RSPH3: variants seen among roughly 807,000 people sequenced by gnomAD.
RSPH3 encodes the protein radial spoke head 3, also known as radial spoke head protein 3 homolog.
A neutral mutation model predicts 43.8 loss-of-function variants in RSPH3; 21 were observed. The ratio of observed to expected loss-of-function variants is 0.48; its 90% CI spans 0.34 to 0.69. The LOEUF (loss-of-function observed/expected upper bound fraction) is 0.69, where lower values mean the gene tolerates loss of function less well. RSPH3 is among the 30% of genes least tolerant of loss of function. The pLI, the probability that RSPH3 is intolerant of heterozygous loss-of-function variation, is 0.01. For missense variants in RSPH3, 487 were observed against 516.0 expected, an observed-to-expected ratio of 0.94 and a Z score of 0.54; for synonymous variants, 173 against 179.8, an observed-to-expected ratio of 0.96 and a Z score of 0.30.
In RSPH3 at chr6:158,999,772, G is replaced by C. The variant is rs752628369; in HGVS notation, c.-222C>G. The stretch of plus-strand genomic sequence containing the variant: ...CCAGCACCACAGAGACCAGCTGCGG[G>C]GGCCGCATCGGTTGCCCAGCAACCC... On this transcript the variant is annotated 5_prime_UTR_variant, in exon 1 of 8. Transcript: ENST00000367069. 7 of 1,611,632 alleles carry C rather than the reference G, an allele frequency of 4.3e-6. No homozygotes were observed. Among genetic ancestry groups the C allele is most frequent in the Non-Finnish European group, 5.9e-6 (7 of 1,178,294 alleles).
At position 158,983,731 on chromosome 6, in the gene RSPH3, T is replaced by C; in HGVS notation, c.423A>G (p.Arg141=). Residue 141 remains arginine, a synonymous_variant, in exon 4 of 8, where the codon AGA becomes AGG. Coordinates refer to ENST00000367069, the MANE Select transcript of RSPH3 (RefSeq NM_031924.8). ...MECQTDAFLD[R]PPTPLFIPAK... ...CAGGAATAAAGAGTGGTGTTGGTGG[T>C]CTGTCCAAAAATGCATCTGTTTGGC... 6.2e-7 allele frequency: 1 copy of C among 1,612,450 alleles called. No individual in the cohort carries two copies. Among genetic ancestry groups the C allele is most frequent in the South Asian group, 1.1e-5 (1 of 91,040 alleles).
Position 158,982,634 on chromosome 6 carries a change from T to C in RSPH3, c.547A>G (p.Thr183Ala), listed in dbSNP as rs1166371359. ...ACTTCCAGAAGAGACTGCTCAATTG[T>C]CTTCCCCACCAAAACTTCTAACACT... ...KPVLEVLVGK[T>A]IEQSLLEVME... The change falls in exon 5 of 8, where the codon ACA becomes GCA. Residue 183 changes from threonine to alanine, a missense_variant. Thr to Ala is a moderately conservative substitution (Grantham distance 58, BLOSUM62 0). Transcript: ENST00000367069. 1 of 1,614,068 alleles carries C rather than the reference T, an allele frequency of 6.2e-7. No homozygotes were observed. Among genetic ancestry groups the C allele is most frequent in the Admixed American group, 1.7e-5 (1 of 60,012 alleles).
intron 3 of RSPH3, among the ~76,000 whole-genome samples, chr6:158,985,325 G>C (rs910172386): frequency 2.0e-5 from 3 of 152,198 alleles, no homozygotes; most frequent in African/African-American, 7.2e-5. Context: ...GGACAAAATA[G>C]AACTATATTG....
At chr6:158,988,580 C>G (rs919647715) in intron 2 of RSPH3, among the ~76,000 whole-genome samples, 2 of 152,070 alleles carry the variant, frequency 1.3e-5, no homozygotes, top group Non-Finnish European at 2.9e-5. Context: ...TCTTCTCATT[C>G]TTTTTTCTCC....
intron 1 of RSPH3, among the ~76,000 whole-genome samples, chr6:158,995,790 G>A (rs1296188631): frequency 1.3e-5 from 2 of 151,846 alleles, no homozygotes; most frequent in Non-Finnish European, 1.5e-5. Flanking sequence ...TAGTAGAGAC[G>A]GGGTTTCACC....
chr6:158,984,284 A>G (rs934734991), intron 3 of RSPH3, among the ~76,000 whole-genome samples: 2 of 151,586 alleles, frequency 1.3e-5, no homozygotes, highest in African/African-American at 2.4e-5. Flanking sequence ...GAGTTTTTAA[A>G]TATTTGGAAG....
rs1373973255 is a variant in RSPH3, at chr6:158,999,894, C to G, written c.-344G>C. On this transcript the variant is annotated 5_prime_UTR_variant, in exon 1 of 8. Transcript: ENST00000367069. ...AGGGACTTCCGGCTCTTGACTCCGC[C>G]CAGCCGCGCCACCCAGGTAGGTGCG... The G allele has an allele frequency of 6.2e-7, 1 of 1,613,252 alleles. No individual in the cohort carries two copies. Among genetic ancestry groups the G allele is most frequent in the South Asian group, 1.1e-5 (1 of 91,054 alleles).
At chr6:158,991,726 C>T (rs1022143370) in intron 2 of RSPH3, among the ~76,000 whole-genome samples, 4 of 152,198 alleles carry the variant, frequency 2.6e-5, no homozygotes, top group Non-Finnish European at 5.9e-5. Flanking sequence ...GATACCACCT[C>T]AGTGGGAGAA....
downstream of RSPH3, among the ~76,000 whole-genome samples, chr6:158,968,865 C>T (rs1436365332): frequency 6.6e-6 from 1 of 151,738 alleles, no homozygotes; most frequent in African/African-American, 2.4e-5. Context: ...GTGTGCGCCA[C>T]CACACCCAGC....
chr6:158,974,704 A>G lies in RSPH3; in HGVS notation c.*2834T>C, dbSNP rs1013659220. ...CCAGTTCAGTGTGGGGTTTATAGAT[A>G]TCTACTTCTTTCAATAAATTGAATT... is the stretch of plus-strand genomic sequence containing the variant. On this transcript the variant is annotated 3_prime_UTR_variant, in exon 8 of 8. Coordinates refer to ENST00000367069, the MANE Select transcript of RSPH3 (RefSeq NM_031924.8). The G allele has an allele frequency of 8.5e-5, 13 of 152,328 alleles. No individual in the cohort carries two copies. Among genetic ancestry groups the G allele is most frequent in the Admixed American group, 7.2e-4 (11 of 15,306 alleles). 9.4% of individuals were successfully genotyped at this position (152,328 alleles called of 1,614,324 possible). A position where few individuals can be genotyped will look rare whatever the true frequency, so the allele number is the denominator to read the frequency against.
intron 3 of RSPH3, 67 bp from the exon 4 acceptor site, chr6:158,983,874 C>T: frequency 8.6e-7 from 1 of 1,166,782 alleles, no homozygotes; most frequent in Non-Finnish European, 1.3e-6. Flanking sequence ...TAGTTCATGC[C>T]CATAATCCCA....
chr6:159,000,114 G>A lies in RSPH3; in HGVS notation c.-564C>T, dbSNP rs1244289895. ...GGTGTCCTCGGCTGTTTCTCCTGCC[G>A]CGGCGCAGCAGCGCTCCCAGGCTGC... On this transcript the variant is annotated 5_prime_UTR_variant, in exon 1 of 8. Coordinates refer to ENST00000367069, the MANE Select transcript of RSPH3 (RefSeq NM_031924.8). 3.2e-6 allele frequency: 3 copies of A among 931,948 alleles called. No individual in the cohort carries two copies. Among genetic ancestry groups the A allele is most frequent in the Non-Finnish European group, 4.6e-6 (3 of 648,262 alleles). 57.7% of individuals were successfully genotyped at this position (931,948 alleles called of 1,614,324 possible). A position where few individuals can be genotyped will look rare whatever the true frequency, so the allele number is the denominator to read the frequency against.
At chr6:158,993,956 T>C in intron 1 of RSPH3, 30 bp from the exon 2 acceptor site, 1 of 1,163,754 alleles carries the variant, frequency 8.6e-7, no homozygotes, top group Non-Finnish European at 1.3e-6. Context: ...GTATAACCAC[T>C]TTAATAGAGT....
In RSPH3 at chr6:158,993,785, C is replaced by T. The variant is rs116762037; in HGVS notation, c.204+54G>A. 1,143 of 942,342 alleles carry T rather than the reference C, an allele frequency of 1.2e-3. 12 individuals are homozygous for T. The African/African-American group carries it at 0.016, about 13-fold the overall frequency. 58.4% of individuals were successfully genotyped at this position (942,342 alleles called of 1,614,324 possible). A position where few individuals can be genotyped will look rare whatever the true frequency, so the allele number is the denominator to read the frequency against. Reference sequence around the variant, plus strand: ...AGAAATTAACACCAAGAAACTGATCCTTCCCCATAGATAATGTGAGAACAC... The same window carrying T: ...AGAAATTAACACCAAGAAACTGATCTTTCCCCATAGATAATGTGAGAACAC... On this transcript the variant is annotated intron_variant, in intron 2 of 7. Coordinates refer to ENST00000367069, the MANE Select transcript of RSPH3 (RefSeq NM_031924.8).
chr6:158,984,668 G>A (rs1778167381), intron 3 of RSPH3, among the ~76,000 whole-genome samples: 1 of 151,604 alleles, frequency 6.6e-6, no homozygotes, highest in Admixed American at 6.6e-5. Context: ...AAGAACATGA[G>A]CACTAGAGTC....
In RSPH3 at chr6:158,977,566, T is replaced by C. The variant is rs763147882; in HGVS notation, c.1229A>G (p.Lys410Arg). 1.2e-6 allele frequency: 2 copies of C among 1,612,934 alleles called. No individual in the cohort carries two copies. Among genetic ancestry groups the C allele is most frequent in the African/African-American group, 1.3e-5 (1 of 74,878 alleles). ...LGQDEETAMRKSLGEEELS is the reference protein window; with the variant it reads ...LGQDEETAMRRSLGEEELS Reference sequence around the variant, plus strand: ...TGACAATTCTTCCTCCCCTAAGGACTTCCTCATTGCTGTTTCTTCATCTTG... The same window carrying C: ...TGACAATTCTTCCTCCCCTAAGGACCTCCTCATTGCTGTTTCTTCATCTTG... The change falls in exon 8 of 8, where the codon AAG (lysine) becomes AGG (arginine). Residue 410 changes from lysine (K) to arginine (R), a missense_variant. Transcript: ENST00000367069.
chr6:158,999,264 C>CA, intron 1 of RSPH3, among the ~76,000 whole-genome samples, 171 bp downstream of exon 1: 1 of 146,928 alleles, frequency 6.8e-6, no homozygotes, highest in Non-Finnish European at 1.5e-5. Context: ...CCCCTTCCTG[C>CA]TTCACTCCTC....
At chr6:158,985,139 G>T (rs949015725) in intron 3 of RSPH3, among the ~76,000 whole-genome samples, 5 of 152,188 alleles carry the variant, frequency 3.3e-5, no homozygotes, top group African/African-American at 1.2e-4. Flanking sequence ...GACCAGGTAA[G>T]CCTCTACAGC....
chr6:158,968,145 G>C (rs544423322), downstream of RSPH3, among the ~76,000 whole-genome samples: 4 of 152,192 alleles, frequency 2.6e-5, no homozygotes, highest in African/African-American at 9.6e-5. Context: ...TGTATTTTTT[G>C]TACCTTTATT....
Sources: gnomAD v4.1 joint callset for allele counts (sites outside exome capture counted in the v4.1 genomes callset) on GRCh38, gnomAD v4.1.1 for gene constraint, MANE v1.5 for transcripts, NCBI Gene and HGNC (gene_info 2026-07-23, HGNC 2026-07-21) for gene names.